The following FCHSD2 variants were observed in gnomAD, a reference collection of about 807,000 sequenced individuals.
The protein encoded by FCHSD2 is FCH and double SH3 domains 2.
In FCHSD2, 38 loss-of-function variants were observed where a neutral mutation model predicts 108.1. The observed-to-expected ratio is 0.35, with a 90% CI of 0.27 to 0.46. The LOEUF is 0.46. Ranked by LOEUF, FCHSD2 falls within the 20% of genes least tolerant of loss-of-function variation. The pLI, the probability that FCHSD2 is intolerant of heterozygous loss-of-function variation, is 1.00. For synonymous variants in FCHSD2, 279 were observed against 314.7 expected, an observed-to-expected ratio of 0.89 and a Z score of 1.20; for missense variants, 751 against 897.8, an observed-to-expected ratio of 0.84 and a Z score of 2.09.
chr11:73,119,662 T>G (rs148677276), intron 2 of FCHSD2, among the ~76,000 whole-genome samples: 1 of 152,250 alleles, frequency 6.6e-6, no homozygotes, highest in East Asian at 1.9e-4. Flanking sequence ...TTGCCCAGGT[T>G]GGTCTCACTC....
At chr11:73,019,771 T>A (rs993428607) in intron 3 of FCHSD2, among the ~76,000 whole-genome samples, 1 of 152,178 alleles carries the variant, frequency 6.6e-6, no homozygotes, top group African/African-American at 2.4e-5. Flanking sequence ...CTGAAAGCAT[T>A]CTATGCTTAA....
At chr11:72,932,562 A>C (rs1485959294) in intron 8 of FCHSD2, among the ~76,000 whole-genome samples, 1 of 152,096 alleles carries the variant, frequency 6.6e-6, no homozygotes, top group Non-Finnish European at 1.5e-5. Flanking sequence ...GAGCTTTCAC[A>C]CAGGCTTTTC....
chr11:72,897,593 C>T (rs1855449247), intron 10 of FCHSD2, among the ~76,000 whole-genome samples: 1 of 152,140 alleles, frequency 6.6e-6, no homozygotes, highest in Non-Finnish European at 1.5e-5. Context: ...AACCAAGGGA[C>T]AACTGTTGTC....
chr11:72,987,631 C>A (rs922763494), intron 6 of FCHSD2, among the ~76,000 whole-genome samples: 2 of 152,162 alleles, frequency 1.3e-5, no homozygotes, highest in Admixed American at 6.5e-5. Flanking sequence ...TGTTAGAAGG[C>A]AATTCCTTGT....
intron 13 of FCHSD2, among the ~76,000 whole-genome samples, chr11:72,859,676 C>T (rs972882140): frequency 1.3e-4 from 20 of 152,092 alleles, no homozygotes; most frequent in South Asian, 4.1e-4. Flanking sequence ...GAGAGAGATG[C>T]GCAGAACTTA....
In FCHSD2 at chr11:72,943,979, A is replaced by C. The variant is rs1051955190; in HGVS notation, c.706-22029T>G. Among the ~76,000 whole-genome samples the C allele has an allele frequency of 3.9e-5, 6 of 152,194 alleles. 1 individual carries two copies. The highest frequency in any genetic ancestry group is 3.9e-4 in the Admixed American group (6 of 15,282). On this transcript the variant is annotated intron_variant, in intron 8 of 19. Transcript: ENST00000409418. Reference sequence around the variant, plus strand: ...ACTTCTATTGCATGACATGGAGGTAAAACAACACAATTACTTCTAAAACTA... The same window carrying C: ...ACTTCTATTGCATGACATGGAGGTACAACAACACAATTACTTCTAAAACTA...
At chr11:73,129,785 G>A (rs1860949490) in intron 2 of FCHSD2, among the ~76,000 whole-genome samples, 1 of 151,860 alleles carries the variant, frequency 6.6e-6, no homozygotes, top group Admixed American at 6.6e-5. Flanking sequence ...GGTCCCTGGT[G>A]CCAAAAAGGG....
chr11:72,900,240 A>C, intron 10 of FCHSD2: 5 of 527,448 alleles, frequency 9.5e-6, no homozygotes, highest in African/African-American at 2.0e-5. Context: ...CCCGCCCTTG[A>C]CCCACACCCC....
intron 3 of FCHSD2, among the ~76,000 whole-genome samples, chr11:73,017,631 C>G (rs1858003145): frequency 1.3e-5 from 2 of 152,148 alleles, no homozygotes; most frequent in Non-Finnish European, 2.9e-5. Context: ...CGTAACAGTT[C>G]CACTTAACAT....
intron 8 of FCHSD2, among the ~76,000 whole-genome samples, chr11:72,959,855 T>TGTGTG (rs1404280196): frequency 7.3e-6 from 1 of 136,206 alleles, no homozygotes; most frequent in East Asian, 2.4e-4. Flanking sequence ...GTTTCTAGGG[T>TGTGTG]GTGTGTGTGT....
chr11:73,041,657 C>T (rs746616980), intron 3 of FCHSD2, among the ~76,000 whole-genome samples: 2 of 151,994 alleles, frequency 1.3e-5, no homozygotes, highest in Admixed American at 6.6e-5. Context: ...CTTTATTAAA[C>T]GAATACTTGC....
At chr11:73,083,924 C>G (rs1024376458) in intron 2 of FCHSD2, among the ~76,000 whole-genome samples, 184 bp from the exon 3 acceptor site, 1 of 152,202 alleles carries the variant, frequency 6.6e-6, no homozygotes, top group Non-Finnish European at 1.5e-5. Flanking sequence ...GATCTACATT[C>G]AAACCCCAGC....
At chr11:72,911,308 A>G (rs746054674) in intron 9 of FCHSD2, among the ~76,000 whole-genome samples, 1 of 152,172 alleles carries the variant, frequency 6.6e-6, no homozygotes, top group Non-Finnish European at 1.5e-5. Flanking sequence ...AGATAGGTAG[A>G]TTTGATTCTG....
At chr11:72,882,743 A>T (rs2135236928) in intron 12 of FCHSD2, among the ~76,000 whole-genome samples, 1 of 152,370 alleles carries the variant, frequency 6.6e-6, no homozygotes, top group Middle Eastern at 3.4e-3. Flanking sequence ...CATCATGTTC[A>T]TGAATTAGAA....
rs759558646 is a variant in FCHSD2, at chr11:72,984,260, T to C, written c.577-44A>G. 21 of 1,599,066 alleles carry C rather than the reference T, an allele frequency of 1.3e-5. No homozygotes were observed. The East Asian group carries it at 4.7e-4, about 36-fold the overall frequency. The stretch of plus-strand genomic sequence containing the variant: ...AAATAATCAGTGCAAACTGATATTG[T>C]ACTGCAAAACACATAGGAATCCTAC... On this transcript the variant is annotated intron_variant, in intron 7 of 19. Coordinates refer to ENST00000409418, the MANE Select transcript of FCHSD2 (RefSeq NM_014824.3).
intron 12 of FCHSD2, among the ~76,000 whole-genome samples, chr11:72,872,781 T>C (rs1025004476): frequency 2.6e-5 from 4 of 152,222 alleles, no homozygotes; most frequent in Admixed American, 1.3e-4. Flanking sequence ...AGTGTGGACA[T>C]GTTTTCACTT....
intron 18 of FCHSD2, among the ~76,000 whole-genome samples, 188 bp downstream of exon 18, chr11:72,841,266 G>T (rs984884113): frequency 7.0e-6 from 1 of 143,816 alleles, no homozygotes; most frequent in Admixed American, 7.5e-5. Context: ...CCCAGGAATT[G>T]GTTGCTATGA....
At chr11:72,890,007 T>C in intron 10 of FCHSD2, 62 bp from the exon 11 acceptor site, 1 of 1,010,062 alleles carries the variant, frequency 9.9e-7, no homozygotes, top group Non-Finnish European at 1.5e-6. Context: ...CACTACTGCT[T>C]TGTAGATGGA....
At chr11:72,922,064 A>T (rs1267344335) in intron 8 of FCHSD2, 114 bp from the exon 9 acceptor site, 1 of 648,268 alleles carries the variant, frequency 1.5e-6, no homozygotes, top group East Asian at 2.8e-5. Context: ...TATTAATAAT[A>T]AATGGACAAA....
Sources: gnomAD v4.1 joint callset for allele counts (sites outside exome capture counted in the v4.1 genomes callset) on GRCh38, gnomAD v4.1.1 for gene constraint, MANE v1.5 for transcripts, NCBI Gene and HGNC (gene_info 2026-07-23, HGNC 2026-07-21) for gene names.